Variants in AKR1E2 observed in about 807,000 individuals in gnomAD.
AKR1E2 encodes aldo-keto reductase family 1 member E2, also known as 1,5-anhydro-D-fructose reductase.
AKR1E2 carries 43 observed loss-of-function variants against 41.9 expected under a neutral mutation model. The ratio of observed to expected loss-of-function variants is 1.03; its 90% CI spans 0.80 to 1.32. The LOEUF is 1.32. Ranked by LOEUF, AKR1E2 falls within the 40% of genes most tolerant of loss-of-function variation. AKR1E2 has a pLI of 0.00. For missense variants in AKR1E2, 423 were observed against 396.5 expected (o/e 1.07, Z -0.57); for synonymous variants, 121 against 138.9 (o/e 0.87, Z 0.91).
intron 1 of AKR1E2, among the ~76,000 whole-genome samples, chr10:4,827,290 A>T (rs1199836910): frequency 6.6e-6 from 1 of 150,856 alleles, no homozygotes; most frequent in African/African-American, 2.4e-5. Context: ...CATATCTATC[A>T]CCTCTCTCAG....
At chr10:4,866,640 T>G in the AKR1E2 span, among the ~76,000 whole-genome samples, 7 of 51,296 alleles carry the variant, frequency 1.4e-4, 1 homozygote, top group South Asian at 4.1e-3. Flanking sequence ...TTTGTTTTTG[T>G]TTTTGTTTTT....
chr10:4,863,094 T>C, the AKR1E2 span, among the ~76,000 whole-genome samples: 2 of 152,098 alleles, frequency 1.3e-5, no homozygotes, highest in Non-Finnish European at 2.9e-5. Context: ...TGAACTCAGC[T>C]CTGCACCAAG....
the AKR1E2 span, among the ~76,000 whole-genome samples, chr10:4,859,344 T>C: frequency 3.3e-5 from 5 of 152,182 alleles, no homozygotes; most frequent in Admixed American, 6.5e-5. Context: ...GAGTGTGATA[T>C]GTGCTACGAC....
chr10:4,847,300 G>C, intron 9 of AKR1E2, 70 bp downstream of exon 9: 3 of 1,600,128 alleles, frequency 1.9e-6, no homozygotes, highest in Non-Finnish European at 2.6e-6. Context: ...GTCTGAATAG[G>C]TATTTATCAT....
intron 8 of AKR1E2, among the ~76,000 whole-genome samples, chr10:4,843,451 G>A (rs1212367313): frequency 6.6e-6 from 1 of 152,172 alleles, no homozygotes; most frequent in Non-Finnish European, 1.5e-5. Flanking sequence ...CATTGATCAT[G>A]TCAGCATAGG....
the AKR1E2 span, among the ~76,000 whole-genome samples, chr10:4,866,402 C>A: frequency 6.6e-6 from 1 of 152,090 alleles, no homozygotes; most frequent in African/African-American, 2.4e-5. Flanking sequence ...CAGAGTCTGC[C>A]CTTTATTCAG....
chr10:4,827,490 C>G (rs1438945394), intron 1 of AKR1E2, among the ~76,000 whole-genome samples: 1 of 141,716 alleles, frequency 7.1e-6, no homozygotes, highest in African/African-American at 2.5e-5. Flanking sequence ...TCCCCCAGCC[C>G]CCAGCGTCTT....
At chr10:4,832,369 C>T (rs1306074115) in intron 2 of AKR1E2, among the ~76,000 whole-genome samples, 1 of 152,176 alleles carries the variant, frequency 6.6e-6, no homozygotes, top group African/African-American at 2.4e-5. Context: ...TTGCTATCTG[C>T]ACTAGAGCAG....
intron 1 of AKR1E2, among the ~76,000 whole-genome samples, chr10:4,828,719 A>C (rs928568442): frequency 6.6e-6 from 1 of 152,198 alleles, no homozygotes; most frequent in Admixed American, 6.5e-5. Flanking sequence ...TCTGTTAATA[A>C]ATTGTCCTGA....
chr10:4,846,488 C>T (rs914786551), intron 8 of AKR1E2, among the ~76,000 whole-genome samples: 1 of 151,674 alleles, frequency 6.6e-6, no homozygotes, highest in Admixed American at 6.6e-5. Flanking sequence ...GTGTATGGAA[C>T]AAATTGTTTT....
chr10:4,844,243 G>A (rs1834119369), intron 8 of AKR1E2, among the ~76,000 whole-genome samples: 1 of 152,114 alleles, frequency 6.6e-6, no homozygotes, highest in African/African-American at 2.4e-5. Flanking sequence ...TGCGGTGAGT[G>A]TTACAGCTCT....
chr10:4,858,957 G>A, the AKR1E2 span, among the ~76,000 whole-genome samples: 2 of 151,214 alleles, frequency 1.3e-5, no homozygotes, highest in Non-Finnish European at 2.9e-5. Context: ...CTGAGTAGCT[G>A]GGATTACAGG....
At chr10:4,836,471 C>T (rs557951224) in intron 4 of AKR1E2, among the ~76,000 whole-genome samples, 1 of 152,296 alleles carries the variant, frequency 6.6e-6, no homozygotes, top group East Asian at 1.9e-4. Context: ...TGTGGTCTTA[C>T]AGTCTTGCTA....
chr10:4,861,424 G>A, the AKR1E2 span, among the ~76,000 whole-genome samples: 7 of 152,114 alleles, frequency 4.6e-5, no homozygotes, highest in South Asian at 4.2e-4. Flanking sequence ...AGGATGGAGT[G>A]CAATGGCGTG....
rs374082208 is a variant in AKR1E2, at chr10:4,839,842, T to C, written c.680+16T>C. On this transcript the variant is annotated intron_variant, in intron 6 of 9. Coordinates refer to ENST00000298375, the MANE Select transcript of AKR1E2 (RefSeq NM_001040177.3). ...GTGGCTCGTGGTAAGGATACCTCAGTGGTGTGTTAGTCAGAGTCCGACTGG... is the reference window on the plus strand; with the variant it reads ...GTGGCTCGTGGTAAGGATACCTCAGCGGTGTGTTAGTCAGAGTCCGACTGG... The C allele has an allele frequency of 2.5e-6, 4 of 1,607,424 alleles. No homozygotes were observed. Among genetic ancestry groups the C allele is most frequent in the Non-Finnish European group, 3.4e-6 (4 of 1,174,056 alleles).
chr10:4,851,745 G>A (rs1008139811), downstream of AKR1E2, among the ~76,000 whole-genome samples: 4 of 152,144 alleles, frequency 2.6e-5, no homozygotes, highest in South Asian at 2.1e-4. Flanking sequence ...TAAATTACCC[G>A]CAAATACCCA....
intron 3 of AKR1E2, 106 bp from the exon 4 acceptor site, chr10:4,835,569 G>T: frequency 7.1e-7 from 1 of 1,406,016 alleles, no homozygotes; most frequent in South Asian, 1.4e-5. Flanking sequence ...CCAGGCTGGG[G>T]TTGCTTAGTG....
intron 8 of AKR1E2, among the ~76,000 whole-genome samples, chr10:4,845,035 G>A (rs1037887388): frequency 5.3e-5 from 8 of 152,196 alleles, no homozygotes; most frequent in South Asian, 2.1e-4. Context: ...CAGGCATGGC[G>A]GGCTGCAGGT....
chr10:4,850,335 T>A (rs60208310), downstream of AKR1E2, among the ~76,000 whole-genome samples: 204 of 152,322 alleles, frequency 1.3e-3, no homozygotes, highest in African/African-American at 4.4e-3. Context: ...TCATTGGCAC[T>A]TTCGTATTTT....
Sources: allele counts gnomAD v4.1 joint callset (sites outside exome capture counted in the v4.1 genomes callset), GRCh38; gene constraint gnomAD v4.1.1; transcripts MANE v1.5; gene names NCBI Gene and HGNC (gene_info 2026-07-23, HGNC 2026-07-21).